The following TGFBRAP1 variants were observed in gnomAD, a reference collection of about 807,000 sequenced individuals.
TGFBRAP1 encodes the protein transforming growth factor-beta receptor-associated protein 1.
TGFBRAP1 carries 20 observed loss-of-function variants against 83.2 expected under a neutral mutation model. The ratio of observed to expected loss-of-function variants is 0.24; its 90% CI spans 0.17 to 0.35. The LOEUF (loss-of-function observed/expected upper bound fraction) is 0.35. TGFBRAP1 is among the 10% of genes least tolerant of loss of function. The pLI, the probability that TGFBRAP1 is intolerant of heterozygous loss-of-function variation, is 1.00. For synonymous variants in TGFBRAP1, 415 were observed against 459.8 expected (o/e 0.90, Z 1.25); for missense variants, 950 against 1,099.4 (o/e 0.86, Z 1.92).
the TGFBRAP1 span, among the ~76,000 whole-genome samples, chr2:105,259,146 G>A: frequency 7.2e-5 from 11 of 152,244 alleles, no homozygotes; most frequent in Middle Eastern, 3.4e-3. Flanking sequence ...ACACGGAATC[G>A]CCCAGGACAC....
At position 105,272,900 on chromosome 2, in the gene TGFBRAP1, G is replaced by A. The variant is rs773935796; in HGVS notation, c.1927C>T (p.Arg643Trp). ...EATETQAKLRRLLQKSDLYRV... is the reference protein window; with the variant it reads ...EATETQAKLRWLLQKSDLYRV... ...TATAAATCAGATTTCTGGAGCAGCC[G>A]CCGCAGCTTGGCCTGCGTCTCGGTG... is the stretch of plus-strand genomic sequence containing the variant. The change falls in exon 10 of 12, where the codon CGG becomes TGG. Residue 643 changes from arginine to tryptophan, a missense_variant. Coordinates refer to ENST00000393359, the MANE Select transcript of TGFBRAP1 (RefSeq NM_004257.6). 63 of 1,609,882 alleles carry A rather than the reference G, an allele frequency of 3.9e-5. No individual in the cohort carries two copies. The highest frequency in any genetic ancestry group is 1.4e-4 in the South Asian group (13 of 91,044).
chr2:105,298,548 C>A lies in TGFBRAP1; in HGVS notation c.846G>T (p.Leu282=), dbSNP rs775327940. ...GTAGGATATGGCCCTCCTTAAAGGG[C>A]AGCGTCTGCTTCTGTTGCTGATCCA... is the stretch of plus-strand genomic sequence containing the variant. The part of the protein sequence containing the change: ...SMLDQQQKQT[L]PFKEGHILQD... Residue 282 remains leucine (L), a synonymous_variant, in exon 3 of 12, where the codon CTG becomes CTT. Coordinates refer to ENST00000393359, the MANE Select transcript of TGFBRAP1 (RefSeq NM_004257.6). 5.6e-6 allele frequency: 9 copies of A among 1,612,086 alleles called. No homozygotes were observed. In the African/African-American group the frequency reaches 6.7e-5, roughly 12 times the overall value.
In TGFBRAP1 at chr2:105,290,653, G is replaced by GTA. The variant is rs1200820872; in HGVS notation, c.1038+5702_1038+5703insTA. 5.0e-3 allele frequency among the ~76,000 whole-genome samples: 750 copies of GTA among 151,466 alleles called. 23 individuals carry two copies. Among genetic ancestry groups the GTA allele is most frequent in the African/African-American group, 0.017 (713 of 41,182 alleles). On this transcript the variant is annotated intron_variant, in intron 4 of 11. Coordinates refer to ENST00000393359, the MANE Select transcript of TGFBRAP1 (RefSeq NM_004257.6). ...TGTGTGTGTGTGTGTGTGTGTGTGTGTGTGTGAATTTAAGTTTTCTTTGTG... is the reference window on the plus strand; with the variant it reads ...TGTGTGTGTGTGTGTGTGTGTGTGTGTATGTGTGAATTTAAGTTTTCTTTGTG...
intron 1 of TGFBRAP1, among the ~76,000 whole-genome samples, chr2:105,318,416 T>C (rs912013537): frequency 6.6e-6 from 1 of 152,214 alleles, no homozygotes; most frequent in Non-Finnish European, 1.5e-5. Context: ...CTATATCTTA[T>C]ACAGATTACA....
At chr2:105,316,454 T>TGC (rs1678864749) in intron 1 of TGFBRAP1, among the ~76,000 whole-genome samples, 4 of 75,750 alleles carry the variant, frequency 5.3e-5, no homozygotes, top group Non-Finnish European at 8.3e-5. Context: ...TGTGTGTGTG[T>TGC]GTGTGTGTGC....
Position 105,307,874 on chromosome 2 carries a change from A to T in TGFBRAP1, c.428T>A (p.Val143Asp). 6.2e-7 allele frequency: 1 copy of T among 1,614,194 alleles called. No individual in the cohort carries two copies. Among genetic ancestry groups the T allele is most frequent in the Non-Finnish European group, 8.5e-7 (1 of 1,180,032 alleles). ...AAACATCTGGATGGTTCTGCGTTTG[A>T]CAGAGATGATGCAAACTTCTACACA... ...PFCVEVCIISVKRRTIQMFLV... is the reference protein window; with the variant it reads ...PFCVEVCIISDKRRTIQMFLV... Residue 143 changes from valine (V) to aspartate (D), a missense_variant, in exon 2 of 12, where the codon GTC (valine) becomes GAC (aspartate). Val to Asp is a radical substitution (Grantham distance 152, BLOSUM62 -3). Coordinates refer to ENST00000393359, the MANE Select transcript of TGFBRAP1 (RefSeq NM_004257.6).
At chr2:105,267,797 G>C in intron 11 of TGFBRAP1, 1 of 985,426 alleles carries the variant, frequency 1.0e-6, no homozygotes. Context: ...AGTAATTGTT[G>C]CTTGTCTGGC....
At chr2:105,284,880 C>T (rs2576743) in intron 4 of TGFBRAP1, among the ~76,000 whole-genome samples, 92,850 of 152,018 alleles carry the variant, frequency 0.61, 28,805 homozygotes, top group Non-Finnish European at 0.65. Context: ...CTGCTGGTGA[C>T]GTCCAACCCA....
intron 1 of TGFBRAP1, among the ~76,000 whole-genome samples, chr2:105,323,832 AG>A (rs944597492): frequency 4.6e-5 from 7 of 152,204 alleles, no homozygotes; most frequent in African/African-American, 1.7e-4. Context: ...GTTGACTTAA[AG>A]TCTTGAGATA....
intron 1 of TGFBRAP1, among the ~76,000 whole-genome samples, chr2:105,319,353 C>G (rs561307438): frequency 6.7e-6 from 1 of 149,438 alleles, no homozygotes; most frequent in Non-Finnish European, 1.5e-5. Context: ...TGAGCCACTG[C>G]GCCTGGCCAA....
chr2:105,267,636 A>C, intron 11 of TGFBRAP1, 77 bp from the exon 12 acceptor site: 1 of 1,583,296 alleles, frequency 6.3e-7, no homozygotes. Context: ...AGTTTTGCAG[A>C]GTTGACATGC....
chr2:105,321,359 G>A (rs1679059999), intron 1 of TGFBRAP1, among the ~76,000 whole-genome samples: 1 of 151,874 alleles, frequency 6.6e-6, no homozygotes, highest in Non-Finnish European at 1.5e-5. Context: ...GTAAAGATGG[G>A]GTTTCACTGT....
intron 4 of TGFBRAP1, among the ~76,000 whole-genome samples, chr2:105,286,437 A>G (rs1030310220): frequency 2.0e-5 from 3 of 152,296 alleles, no homozygotes; most frequent in Admixed American, 2.0e-4. Context: ...GATGATCCTG[A>G]GCTATAAAAC....
intron 8 of TGFBRAP1, among the ~76,000 whole-genome samples, chr2:105,274,394 A>T (rs1252509976): frequency 6.6e-6 from 1 of 152,218 alleles, no homozygotes; most frequent in Non-Finnish European, 1.5e-5. Context: ...TCCAAGGCCA[A>T]TACATTCACG....
intron 4 of TGFBRAP1, among the ~76,000 whole-genome samples, chr2:105,290,616 A>AGTGTGTGTGTGT (rs3060065): frequency 2.3e-3 from 321 of 140,070 alleles, no homozygotes; most frequent in African/African-American, 4.8e-3. Flanking sequence ...ACAGAGAGAC[A>AGTGTGTGTGTGT]GTGTGTGTGT....
chr2:105,315,305 A>G (rs1428671743), intron 1 of TGFBRAP1, among the ~76,000 whole-genome samples: 1 of 152,222 alleles, frequency 6.6e-6, no homozygotes, highest in Non-Finnish European at 1.5e-5. Context: ...TTAAATGGAA[A>G]GCACAGAACA....
At position 105,308,278 on chromosome 2, in the gene TGFBRAP1, C is replaced by G. The variant is rs766664518; in HGVS notation, c.24G>C (p.Thr8=). 4 of 1,612,422 alleles carry G rather than the reference C, an allele frequency of 2.5e-6. No homozygotes were observed. The highest frequency in any genetic ancestry group is 3.4e-6 in the Non-Finnish European group (4 of 1,178,600). MMSIKAF[T]LVSAVERELL... ...GCTCCCGCTCCACAGCAGAGACAAG[C>G]GTAAAGGCTTTGATGCTCATCATGT... is the stretch of plus-strand genomic sequence containing the variant. Residue 8 remains threonine, a synonymous_variant, in exon 2 of 12, where the codon ACG becomes ACC. Transcript: ENST00000393359.
downstream of TGFBRAP1, among the ~76,000 whole-genome samples, chr2:105,263,437 T>G: frequency 6.6e-6 from 1 of 152,192 alleles, no homozygotes; most frequent in East Asian, 1.9e-4. Context: ...CAGATCTAGC[T>G]TGGCACCTCC....
intron 1 of TGFBRAP1, among the ~76,000 whole-genome samples, chr2:105,324,693 G>C (rs1023587733): frequency 2.6e-5 from 4 of 152,160 alleles, no homozygotes; most frequent in Non-Finnish European, 5.9e-5. Context: ...GAGGGGCTGA[G>C]ATTGGGTTGG....
Sources: gnomAD v4.1 joint callset for allele counts (sites outside exome capture counted in the v4.1 genomes callset) on GRCh38, gnomAD v4.1.1 for gene constraint, MANE v1.5 for transcripts, NCBI Gene and HGNC (gene_info 2026-07-23, HGNC 2026-07-21) for gene names.